SEMA3D: variants seen among roughly 807,000 people sequenced by gnomAD.
SEMA3D encodes semaphorin 3D.
In SEMA3D, 84 loss-of-function variants were observed where a neutral mutation model predicts 100.1. The ratio of observed to expected loss-of-function variants is 0.84; its 90% CI spans 0.70 to 1.01. The LOEUF (loss-of-function observed/expected upper bound fraction) is 1.01, where lower values mean the gene tolerates loss of function less well. SEMA3D is among the 50% of genes least tolerant of loss of function. The pLI is 0.00. For missense variants in SEMA3D, 875 were observed against 934.1 expected (o/e 0.94, Z 0.82); for synonymous variants, 312 against 320.7 (o/e 0.97, Z 0.29).
At chr7:85,054,811 G>A (rs780723210) in intron 9 of SEMA3D, among the ~76,000 whole-genome samples, 18 of 152,030 alleles carry the variant, frequency 1.2e-4, no homozygotes, top group Non-Finnish European at 1.8e-4. Flanking sequence ...CTGAGTTGAT[G>A]CTAAAGGTGT....
intron 1 of SEMA3D, among the ~76,000 whole-genome samples, chr7:85,154,203 A>C (rs757579164): frequency 2.0e-5 from 3 of 151,992 alleles, no homozygotes; most frequent in African/African-American, 4.8e-5. Context: ...AAACTAAGGA[A>C]TGTTCAGACA....
At chr7:85,145,237 C>CAA (rs145186980) in intron 2 of SEMA3D, among the ~76,000 whole-genome samples, 22 of 144,022 alleles carry the variant, frequency 1.5e-4, no homozygotes, top group African/African-American at 5.3e-4. Context: ...TATGTAAAAC[C>CAA]AAAAAAAAAA....
chr7:85,118,594 G>A (rs540320714), intron 3 of SEMA3D, among the ~76,000 whole-genome samples: 1 of 152,014 alleles, frequency 6.6e-6, no homozygotes, highest in Non-Finnish European at 1.5e-5. Flanking sequence ...CCTTACAGTA[G>A]GAATAGAACA....
chr7:85,211,226 A>G, the SEMA3D span, among the ~76,000 whole-genome samples: 1 of 152,068 alleles, frequency 6.6e-6, no homozygotes, highest in African/African-American at 2.4e-5. Flanking sequence ...ATGTAAATAT[A>G]AAGAAAGATG....
At chr7:85,129,326 A>G (rs1789658722) in intron 2 of SEMA3D, among the ~76,000 whole-genome samples, 1 of 152,096 alleles carries the variant, frequency 6.6e-6, no homozygotes, top group South Asian at 2.1e-4. Context: ...TGTAAAACAG[A>G]ATTTCTTTTT....
At chr7:85,214,980 C>T in the SEMA3D span, among the ~76,000 whole-genome samples, 1 of 152,010 alleles carries the variant, frequency 6.6e-6, no homozygotes, top group African/African-American at 2.4e-5. Context: ...AATATTGTTT[C>T]CCTATCAAGG....
At chr7:85,223,440 C>G in the SEMA3D span, among the ~76,000 whole-genome samples, 1 of 151,750 alleles carries the variant, frequency 6.6e-6, no homozygotes, top group African/African-American at 2.4e-5. Flanking sequence ...CATGTTTATA[C>G]CAGGACAATT....
intron 3 of SEMA3D, among the ~76,000 whole-genome samples, chr7:85,120,396 G>T (rs903883009): frequency 6.6e-6 from 1 of 152,114 alleles, no homozygotes; most frequent in Non-Finnish European, 1.5e-5. Flanking sequence ...GGCCAGGCGA[G>T]TTGGCTCACT....
chr7:85,066,355 A>T (rs990301871), intron 7 of SEMA3D, among the ~76,000 whole-genome samples: 5 of 151,850 alleles, frequency 3.3e-5, no homozygotes, highest in African/African-American at 4.8e-5. Context: ...AGAGGGGGAA[A>T]AGAGGAGGCA....
At chr7:85,249,534 C>G in the SEMA3D span, among the ~76,000 whole-genome samples, 1 of 152,196 alleles carries the variant, frequency 6.6e-6, no homozygotes, top group Non-Finnish European at 1.5e-5. Flanking sequence ...TAGACCTCTT[C>G]TGAGCCAACT....
chr7:85,206,696 T>C, the SEMA3D span, among the ~76,000 whole-genome samples: 2 of 152,046 alleles, frequency 1.3e-5, no homozygotes, highest in Non-Finnish European at 2.9e-5. Context: ...TTGGAGAAGA[T>C]GGCCAGATGA....
At chr7:85,217,133 CACA>C in the SEMA3D span, among the ~76,000 whole-genome samples, 1 of 151,986 alleles carries the variant, frequency 6.6e-6, no homozygotes, top group Admixed American at 6.6e-5. Context: ...TAGTTCTGTA[CACA>C]ACATCTTTAT....
chr7:85,224,572 G>A, the SEMA3D span, among the ~76,000 whole-genome samples: 1 of 152,168 alleles, frequency 6.6e-6, no homozygotes, highest in Non-Finnish European at 1.5e-5. Context: ...TAAAGTAACA[G>A]TGTTAGATGA....
intron 17 of SEMA3D, among the ~76,000 whole-genome samples, chr7:85,011,802 T>A (rs2115782097): frequency 6.6e-6 from 1 of 151,932 alleles, no homozygotes; most frequent in Non-Finnish European, 1.5e-5. Flanking sequence ...AGTTATAAGT[T>A]AAAAATAACT....
At chr7:85,048,808 G>A (rs779700861) in intron 9 of SEMA3D, among the ~76,000 whole-genome samples, 22 of 151,722 alleles carry the variant, frequency 1.5e-4, no homozygotes, top group Non-Finnish European at 2.5e-4. Context: ...AGTCAACTCC[G>A]GTAAGTTAAG....
At chr7:85,127,107 A>T (rs1789591031) in intron 2 of SEMA3D, among the ~76,000 whole-genome samples, 1 of 152,152 alleles carries the variant, frequency 6.6e-6, no homozygotes, top group South Asian at 2.1e-4. Context: ...CTCCTCAGAG[A>T]TCATGAAGAG....
At chr7:85,144,524 A>G (rs1768678212) in intron 2 of SEMA3D, 1 of 984,014 alleles carries the variant, frequency 1.0e-6, no homozygotes, top group African/African-American at 1.7e-5. Flanking sequence ...TTTTTGCCTT[A>G]TGCTTCATGT....
chr7:85,055,924 A>AC, intron 8 of SEMA3D, 65 bp from the exon 9 acceptor site: 1 of 898,266 alleles, frequency 1.1e-6, no homozygotes, highest in Non-Finnish European at 1.7e-6. Flanking sequence ...TAGTTTGATG[A>AC]TATTTCCACG....
chr7:85,140,755 TAATG>T (rs1790023750), intron 2 of SEMA3D: 1 of 974,502 alleles, frequency 1.0e-6, no homozygotes, highest in Admixed American at 6.2e-5. Context: ...ATTGGCCTAA[TAATG>T]AATGAATTAA....
Sources: allele counts gnomAD v4.1 joint callset (sites outside exome capture counted in the v4.1 genomes callset), GRCh38; gene constraint gnomAD v4.1.1; transcripts MANE v1.5; gene names NCBI Gene and HGNC (gene_info 2026-07-23, HGNC 2026-07-21).